MTG2: variants seen among roughly 807,000 people sequenced by gnomAD.
The protein encoded by MTG2 is mitochondrial ribosome-associated GTPase 2.
Under a neutral mutation model 28.6 loss-of-function variants are expected in MTG2, and 23 were observed. The observed-to-expected ratio is 0.80, with a 90% CI of 0.58 to 1.14. MTG2 has a LOEUF of 1.14. Ranked by LOEUF, MTG2 falls within the 50% of genes most tolerant of loss-of-function variation. MTG2 has a pLI of 0.00. For synonymous variants in MTG2, 260 were observed against 251.8 expected (o/e 1.03, Z -0.31); for missense variants, 539 against 552.0 (o/e 0.98, Z 0.24).
intron 1 of MTG2, among the ~76,000 whole-genome samples, chr20:62,186,491 A>G (rs1401640818): frequency 6.8e-6 from 1 of 146,372 alleles, no homozygotes; most frequent in African/African-American, 2.5e-5. Context: ...ATAACATGCC[A>G]TCTTGCTCAG....
Position 62,198,695 on chromosome 20 carries a change from G to C in MTG2, c.530G>C (p.Gly177Ala). 6.2e-7 allele frequency: 1 copy of C among 1,614,144 alleles called. No individual in the cohort carries two copies. Among genetic ancestry groups the C allele is most frequent in the South Asian group, 1.1e-5 (1 of 91,086 alleles). ...GRVVADLSCV[G>A]DEYIAALGGA... Reference sequence around the variant, plus strand: ...GTTGTGGCCGACCTGTCTTGCGTGGGAGATGAGTACATTGCCGCGCTGGGC... The same window carrying C: ...GTTGTGGCCGACCTGTCTTGCGTGGCAGATGAGTACATTGCCGCGCTGGGC... Residue 177 changes from glycine (G) to alanine (A), a missense_variant, in exon 5 of 7, where the codon GGA becomes GCA. Transcript: ENST00000370823.
intron 1 of MTG2, among the ~76,000 whole-genome samples, chr20:62,184,965 C>G (rs571792517): frequency 6.6e-6 from 1 of 151,416 alleles, no homozygotes; most frequent in South Asian, 2.1e-4. Flanking sequence ...CAAAAATGAG[C>G]TGGGTGTGGT....
At chr20:62,191,623 A>G (rs2057961721) in intron 1 of MTG2, among the ~76,000 whole-genome samples, 1 of 152,098 alleles carries the variant, frequency 6.6e-6, no homozygotes, top group African/African-American at 2.4e-5. Flanking sequence ...ACTGCGAGGG[A>G]GGAGGCAGGC....
intron 1 of MTG2, among the ~76,000 whole-genome samples, chr20:62,188,309 C>T (rs1208773442): frequency 2.6e-5 from 4 of 151,884 alleles, no homozygotes; most frequent in Non-Finnish European, 5.9e-5. Context: ...CAATTTAATT[C>T]CGAGAATAGA....
intron 3 of MTG2, 131 bp downstream of exon 3, chr20:62,196,080 A>G: frequency 9.1e-7 from 1 of 1,097,650 alleles, no homozygotes. Context: ...GGAGAGGCTG[A>G]GGCAGGAGGA....
At position 62,197,888 on chromosome 20, in the gene MTG2, C is replaced by T. The variant is rs764073039; in HGVS notation, c.389C>T (p.Ser130Leu). 5.0e-6 allele frequency: 8 copies of T among 1,614,034 alleles called. No individual in the cohort carries two copies. In the South Asian group the frequency reaches 5.5e-5, roughly 11 times the overall value. ...GTCAAGTCCCTGTCGTCGGTCCTGT[C>T]GCGGTACCAGGGTTTCAGTGGAGAA... The part of the protein sequence containing the change: ...QQVKSLSSVL[S>L]RYQGFSGEDG... Residue 130 changes from serine (S) to leucine (L), a missense_variant, in exon 4 of 7, where the codon TCG (serine) becomes TTG (leucine). Physicochemically the swap from Ser to Leu is moderately radical, Grantham distance 145 (BLOSUM62 -2). Transcript: ENST00000370823.
chr20:62,198,506 G>T, intron 4 of MTG2, 128 bp from the exon 5 acceptor site: 2 of 962,436 alleles, frequency 2.1e-6, no homozygotes, highest in Non-Finnish European at 3.1e-6. Context: ...AGGTGAGTGG[G>T]GCGGGCAGCT....
rs751315177 is a variant in MTG2, at chr20:62,198,740, A to G, written c.575A>G (p.Asn192Ser). ...AALGGAGGKGNRFFLANNNRA... is the reference protein window; with the variant it reads ...AALGGAGGKGSRFFLANNNRA... ...CTGGGCGGGGCAGGAGGGAAAGGCA[A>G]CCGCTTCTTCCTGGCCAACAACAAC... The change falls in exon 5 of 7, where the codon AAC (asparagine) becomes AGC (serine). Residue 192 changes from asparagine (N) to serine (S), a missense_variant. Coordinates refer to ENST00000370823, the MANE Select transcript of MTG2 (RefSeq NM_015666.4). 3.1e-6 allele frequency: 5 copies of G among 1,613,968 alleles called. No homozygotes were observed. Among genetic ancestry groups the G allele is most frequent in the Non-Finnish European group, 4.2e-6 (5 of 1,180,044 alleles).
At chr20:62,191,523 G>A (rs974789925) in intron 1 of MTG2, among the ~76,000 whole-genome samples, 65 of 152,162 alleles carry the variant, frequency 4.3e-4, no homozygotes, top group African/African-American at 1.5e-3. Flanking sequence ...AAAGCAGAAT[G>A]GCCAAGGACC....
intron 1 of MTG2, among the ~76,000 whole-genome samples, chr20:62,186,161 A>G (rs1208580407): frequency 6.6e-6 from 1 of 152,038 alleles, no homozygotes; most frequent in Non-Finnish European, 1.5e-5. Context: ...GTTTTTATGC[A>G]CCACCCCTGA....
Position 62,200,808 on chromosome 20 carries a change from T to C in MTG2, c.952T>C (p.Trp318Arg), listed in dbSNP as rs1328793522. The change falls in exon 7 of 7, where the codon TGG (tryptophan) becomes CGG (arginine). Residue 318 changes from tryptophan to arginine, a missense_variant. Transcript: ENST00000370823. ...FVVDLSQPEP[W>R]TQVDDLKYEL... ...GGTGGATCTTTCTCAGCCTGAGCCGTGGACTCAAGTTGACGATTTAAAATA... is the reference window on the plus strand; with the variant it reads ...GGTGGATCTTTCTCAGCCTGAGCCGCGGACTCAAGTTGACGATTTAAAATA... 1 of 1,613,888 alleles carries C rather than the reference T, an allele frequency of 6.2e-7. No homozygotes were observed. Among genetic ancestry groups the C allele is most frequent in the Admixed American group, 1.7e-5 (1 of 60,022 alleles).
At position 62,201,364 on chromosome 20, in the gene MTG2, A is replaced by C; in HGVS notation, c.*287A>C. ...CTAATAAGGGGTTGGGGTGCCCATA[A>C]CGGGGTGGCCCTGCCGCTGACTCAG... On this transcript the variant is annotated 3_prime_UTR_variant, in exon 7 of 7. Transcript: ENST00000370823. 2 of 427,010 alleles carry C rather than the reference A, an allele frequency of 4.7e-6. No individual in the cohort carries two copies. The highest frequency in any genetic ancestry group is 2.0e-5 in the African/African-American group (1 of 49,852). 26.5% of individuals were successfully genotyped at this position (427,010 alleles called of 1,614,324 possible).
chr20:62,186,002 A>G (rs1264655768), intron 1 of MTG2, among the ~76,000 whole-genome samples: 2 of 152,166 alleles, frequency 1.3e-5, no homozygotes, highest in African/African-American at 4.8e-5. Flanking sequence ...TGGCTTTGCA[A>G]CCTTCTCTGC....
chr20:62,187,145 T>G (rs1324515137), intron 1 of MTG2, among the ~76,000 whole-genome samples: 1 of 152,136 alleles, frequency 6.6e-6, no homozygotes, highest in African/African-American at 2.4e-5. Flanking sequence ...GTTGATATAG[T>G]GAAGTGCCTG....
chr20:62,198,491 G>T, intron 4 of MTG2, 143 bp from the exon 5 acceptor site: 1 of 816,550 alleles, frequency 1.2e-6, no homozygotes, highest in Non-Finnish European at 2.0e-6. Context: ...CGGAGCTGTT[G>T]GCAGAGGTGA....
intron 3 of MTG2, chr20:62,197,249 T>G (rs1301853851): frequency 2.0e-5 from 3 of 151,486 alleles, no homozygotes; most frequent in Admixed American, 6.6e-5. Context: ...ATAGAAAAAT[T>G]AGCCAGGCGT....
At chr20:62,183,547 C>T (rs762166431) in intron 1 of MTG2, among the ~76,000 whole-genome samples, 1 of 152,224 alleles carries the variant, frequency 6.6e-6, no homozygotes, top group Non-Finnish European at 1.5e-5. Flanking sequence ...GTAAACGCGC[C>T]TCAGGGAGAC....
chr20:62,183,185 A>T (rs994942948), intron 1 of MTG2, 128 bp downstream of exon 1: 6 of 151,972 alleles, frequency 3.9e-5, no homozygotes, highest in Non-Finnish European at 7.4e-5. Context: ...CCGGCCTAGG[A>T]GCTGAGAGGC....
chr20:62,193,883 C>T (rs546918010), intron 2 of MTG2: 350 of 484,722 alleles, frequency 7.2e-4, no homozygotes, highest in Admixed American at 1.2e-3. Context: ...TTCCCATGAG[C>T]CTGTGTATTT....
Sources: allele counts gnomAD v4.1 joint callset (sites outside exome capture counted in the v4.1 genomes callset), GRCh38; gene constraint gnomAD v4.1.1; transcripts MANE v1.5; gene names NCBI Gene and HGNC (gene_info 2026-07-23, HGNC 2026-07-21).